The following CADPS2 variants were observed in gnomAD, a reference collection of about 807,000 sequenced individuals.
CADPS2 encodes the protein calcium dependent secretion activator 2.
In CADPS2, 93 loss-of-function variants were observed where a neutral mutation model predicts 172.5. That is an observed-to-expected ratio of 0.54 (90% CI 0.46 to 0.64). The LOEUF is 0.64. CADPS2 is among the 30% of genes least tolerant of loss of function. The pLI is 0.00. For missense variants in CADPS2, 1,420 were observed against 1,565.9 expected, an observed-to-expected ratio of 0.91 and a Z score of 1.57; for synonymous variants, 546 against 555.2, an observed-to-expected ratio of 0.98 and a Z score of 0.23.
intron 19 of CADPS2, among the ~76,000 whole-genome samples, chr7:122,408,999 C>A (rs183087363): frequency 6.6e-6 from 1 of 152,256 alleles, no homozygotes; most frequent in East Asian, 1.9e-4. Context: ...CATTTTAATG[C>A]CTGGCTCAAT....
rs143088395 is a variant in CADPS2 at position 122,673,146 on chromosome 7, A to C, written c.454-9577T>G. Among the ~76,000 whole-genome samples the C allele has an allele frequency of 1.8e-4, 27 of 152,312 alleles. 2 individuals carry two copies. The East Asian group carries it at 5.2e-3, about 29-fold the overall frequency. On this transcript the variant is annotated intron_variant, in intron 2 of 29. Coordinates refer to ENST00000449022, the MANE Select transcript of CADPS2 (RefSeq NM_017954.11). ...TGCAGACCTTCGCTGTGAGTGTTAC[A>C]GCTCTTAAAGGCGGTGCGGACCCAA...
chr7:122,746,509 T>G lies in CADPS2; in HGVS notation c.340-9441A>C, dbSNP rs535824759. On this transcript the variant is annotated intron_variant, in intron 1 of 29. Transcript: ENST00000449022. ...CTGAACCCCAATCCACAGTTTTTAC[T>G]CTATCACAGGGGTGTCCAATCTTTT... Among the ~76,000 whole-genome samples, 11 of 152,236 alleles carry G rather than the reference T, an allele frequency of 7.2e-5. No individual in the cohort carries two copies. The East Asian group carries it at 1.9e-3, about 27-fold the overall frequency.
chr7:122,709,754 G>C (rs1185331555), intron 2 of CADPS2, among the ~76,000 whole-genome samples: 1 of 152,158 alleles, frequency 6.6e-6, no homozygotes, highest in Non-Finnish European at 1.5e-5. Context: ...CACGTCCTTT[G>C]TAGGGACATG....
intron 1 of CADPS2, among the ~76,000 whole-genome samples, chr7:122,879,497 T>C (rs1285679183): frequency 6.6e-6 from 1 of 151,616 alleles, no homozygotes; most frequent in Non-Finnish European, 1.5e-5. Context: ...ATCACACCAC[T>C]GCACTCTAGC....
intron 9 of CADPS2, among the ~76,000 whole-genome samples, chr7:122,498,656 T>C (rs976757821): frequency 2.0e-5 from 3 of 152,138 alleles, no homozygotes; most frequent in Admixed American, 6.6e-5. Context: ...TCTATGGAGG[T>C]TCTAATTTTA....
At chr7:122,637,895 A>G (rs2077230628) in intron 3 of CADPS2, among the ~76,000 whole-genome samples, 1 of 152,084 alleles carries the variant, frequency 6.6e-6, no homozygotes, top group East Asian at 1.9e-4. Context: ...TTATGTCTGG[A>G]TTTTTGCCTT....
At chr7:122,758,924 A>C (rs539597248) in intron 1 of CADPS2, among the ~76,000 whole-genome samples, 1 of 152,266 alleles carries the variant, frequency 6.6e-6, no homozygotes, top group African/African-American at 2.4e-5. Flanking sequence ...AACATAATTA[A>C]AGCATACGTT....
At chr7:122,868,343 T>G (rs868808449) in intron 1 of CADPS2, among the ~76,000 whole-genome samples, 1 of 152,104 alleles carries the variant, frequency 6.6e-6, no homozygotes, top group Non-Finnish European at 1.5e-5. Context: ...AGACTCTCAC[T>G]TTAGTGTAGG....
chr7:122,757,213 C>T (rs1376439002), intron 1 of CADPS2, among the ~76,000 whole-genome samples: 1 of 152,126 alleles, frequency 6.6e-6, no homozygotes, highest in African/African-American at 2.4e-5. Context: ...GTGGCATAAT[C>T]ATGGCTCACT....
intron 1 of CADPS2, among the ~76,000 whole-genome samples, chr7:122,861,713 G>A (rs1338567626): frequency 1.3e-5 from 2 of 152,220 alleles, no homozygotes; most frequent in East Asian, 3.8e-4. Context: ...AGTTTCAGGT[G>A]ACGGATATAC....
In CADPS2 at chr7:122,788,209, T is replaced by C. The variant is rs77106934; in HGVS notation, c.340-51141A>G. On this transcript the variant is annotated intron_variant, in intron 1 of 29. Transcript: ENST00000449022. ...CTTAACAACCCCTTTCTTTGTCTAC[T>C]AGTAGTTTTCTGACTCACTGGGAAA... Among the ~76,000 whole-genome samples, 480 of 152,320 alleles carry C rather than the reference T, an allele frequency of 3.2e-3. 2 individuals carry two copies. Among genetic ancestry groups the C allele is most frequent in the African/African-American group, 0.011 (464 of 41,572 alleles).
intron 2 of CADPS2, chr7:122,699,111 T>G (rs2085628344): frequency 3.7e-6 from 2 of 544,684 alleles, no homozygotes; most frequent in East Asian, 6.1e-5. Flanking sequence ...GTGAAAAACT[T>G]TAGATTGAAA....
intron 2 of CADPS2, among the ~76,000 whole-genome samples, chr7:122,701,211 T>A (rs933715335): frequency 6.6e-6 from 1 of 152,072 alleles, no homozygotes; most frequent in African/African-American, 2.4e-5. Context: ...CAAAAAGGGA[T>A]ACGATTAAGA....
intron 3 of CADPS2, among the ~76,000 whole-genome samples, chr7:122,649,574 G>T (rs570762866): frequency 6.6e-6 from 1 of 152,292 alleles, no homozygotes; most frequent in Admixed American, 6.5e-5. Flanking sequence ...AAGTATTAAA[G>T]CTCTTCTATT....
chr7:122,714,986 A>G (rs907734242), intron 2 of CADPS2, among the ~76,000 whole-genome samples: 3 of 152,118 alleles, frequency 2.0e-5, no homozygotes, highest in Non-Finnish European at 4.4e-5. Flanking sequence ...ACAGGAAGAC[A>G]TCTCCCCTAG....
chr7:122,829,060 T>G lies in CADPS2; in HGVS notation c.339+56939A>C, dbSNP rs559600485. 2.6e-5 allele frequency among the ~76,000 whole-genome samples: 4 copies of G among 152,306 alleles called. No homozygotes were observed. The South Asian group carries it at 8.3e-4, about 32-fold the overall frequency. ...GCATTATATATTTAAAAGTTTCATC[T>G]CTAAATGAACATTCTAAAATACAAA... On this transcript the variant is annotated intron_variant, in intron 1 of 29. Transcript: ENST00000449022.
intron 1 of CADPS2, among the ~76,000 whole-genome samples, chr7:122,817,462 G>GT: frequency 6.6e-6 from 1 of 152,182 alleles, no homozygotes; most frequent in East Asian, 1.9e-4. Context: ...AAGGCGACAC[G>GT]TTTTATCCGT....
intron 11 of CADPS2, among the ~76,000 whole-genome samples, chr7:122,489,671 A>G (rs892759673): frequency 6.6e-6 from 1 of 152,154 alleles, no homozygotes; most frequent in African/African-American, 2.4e-5. Flanking sequence ...GGGTATTAAG[A>G]ACAATTCTAG....
At chr7:122,803,357 A>C (rs1268487143) in intron 1 of CADPS2, among the ~76,000 whole-genome samples, 1 of 152,210 alleles carries the variant, frequency 6.6e-6, no homozygotes, top group Non-Finnish European at 1.5e-5. Flanking sequence ...TGAAGTTAGG[A>C]ACAAGAACAA....
Sources: gnomAD v4.1 joint callset for allele counts (sites outside exome capture counted in the v4.1 genomes callset) on GRCh38, gnomAD v4.1.1 for gene constraint, MANE v1.5 for transcripts, NCBI Gene and HGNC (gene_info 2026-07-23, HGNC 2026-07-21) for gene names.